Variants in IL7 observed in about 807,000 individuals in gnomAD.
The protein encoded by IL7 is interleukin 7.
Under a neutral mutation model 21.6 loss-of-function variants are expected in IL7, and 3 were observed. The observed-to-expected ratio is 0.14, with a 90% CI of 0.06 to 0.36. IL7 has a LOEUF of 0.36. Among genes scored for constraint, IL7 ranks in the 10% least tolerant of loss-of-function variants. The pLI is 1.00. For synonymous variants in IL7, 62 were observed against 68.1 expected, an observed-to-expected ratio of 0.91 and a Z score of 0.44; for missense variants, 175 against 200.2, an observed-to-expected ratio of 0.87 and a Z score of 0.76.
chr8:78,767,521 A>G (rs1028208863), intron 2 of IL7, among the ~76,000 whole-genome samples: 1 of 152,072 alleles, frequency 6.6e-6, no homozygotes, highest in African/African-American at 2.4e-5. Context: ...TCTAATTAGT[A>G]TACATATCCA....
At chr8:78,800,403 T>C (rs1310763902) in intron 1 of IL7, among the ~76,000 whole-genome samples, 1 of 152,178 alleles carries the variant, frequency 6.6e-6, no homozygotes, top group Non-Finnish European at 1.5e-5. Context: ...GTTCAAGCGA[T>C]CCTCCTACCT....
chr8:78,784,331 A>G (rs1340915103), intron 2 of IL7, among the ~76,000 whole-genome samples: 2 of 152,046 alleles, frequency 1.3e-5, no homozygotes, highest in Non-Finnish European at 2.9e-5. Flanking sequence ...TGCCACCCCA[A>G]TCCTGGACTT....
chr8:78,768,819 C>G (rs558842164), intron 2 of IL7, among the ~76,000 whole-genome samples: 2 of 152,252 alleles, frequency 1.3e-5, no homozygotes, highest in Admixed American at 1.3e-4. Flanking sequence ...AGCAGCACGT[C>G]AAGAAGCTTA....
chr8:78,790,760 TA>T (rs1269448894), intron 2 of IL7, among the ~76,000 whole-genome samples: 14 of 151,646 alleles, frequency 9.2e-5, no homozygotes, highest in African/African-American at 3.1e-4. Context: ...AAAAGAAGGG[TA>T]AAACCTATAT....
chr8:78,738,494 C>T lies in IL7; in HGVS notation c.360+10G>A, dbSNP rs1811666707. 1.2e-6 allele frequency: 2 copies of T among 1,609,132 alleles called. No individual in the cohort carries two copies. The highest frequency in any genetic ancestry group is 1.3e-5 in the African/African-American group (1 of 74,600). On this transcript the variant is annotated intron_variant, in intron 4 of 5. Transcript: ENST00000263851. ...ATATTTTTATTCAAAGTAAATAGTC[C>T]TTAGCTTACCTGGCCAGTGCAGTTC...
chr8:78,724,466 T>A (rs1428047005), intron 3 of IL7, among the ~76,000 whole-genome samples: 1 of 151,950 alleles, frequency 6.6e-6, no homozygotes, highest in Non-Finnish European at 1.5e-5. Context: ...AAGGGGAACA[T>A]TTTAAGAACT....
At chr8:78,695,900 G>C (rs1184343306) in intron 3 of IL7, among the ~76,000 whole-genome samples, 1 of 152,134 alleles carries the variant, frequency 6.6e-6, no homozygotes, top group Non-Finnish European at 1.5e-5. Context: ...CACATACAGA[G>C]TTAGAAGGAT....
intron 3 of IL7, among the ~76,000 whole-genome samples, chr8:78,710,482 A>G (rs1176368889): frequency 2.6e-5 from 4 of 151,982 alleles, no homozygotes; most frequent in African/African-American, 9.7e-5. Flanking sequence ...TCTTGAACTG[A>G]ACTTTGTTGT....
chr8:78,708,450 G>A (rs1403940497), intron 3 of IL7, among the ~76,000 whole-genome samples: 2 of 151,906 alleles, frequency 1.3e-5, no homozygotes, highest in African/African-American at 4.8e-5. Context: ...GAGTGAGGTG[G>A]GAGAGTCGCT....
At chr8:78,775,724 C>T (rs148588733) in intron 2 of IL7, among the ~76,000 whole-genome samples, 58 of 152,020 alleles carry the variant, frequency 3.8e-4, no homozygotes, top group African/African-American at 1.4e-3. Context: ...AAAATGAGTA[C>T]ATTGGACTAG....
At chr8:78,769,980 A>G (rs1812896622) in intron 2 of IL7, among the ~76,000 whole-genome samples, 1 of 152,160 alleles carries the variant, frequency 6.6e-6, no homozygotes, top group African/African-American at 2.4e-5. Flanking sequence ...CTGGCTAGCC[A>G]TATGTAGAAA....
downstream of IL7, among the ~76,000 whole-genome samples, chr8:78,714,808 A>C (rs563613371): frequency 3.3e-5 from 5 of 152,292 alleles, no homozygotes; most frequent in African/African-American, 1.2e-4. Flanking sequence ...CTAGCAAAAA[A>C]ATTCTTTTTT....
chr8:78,743,162 C>A (rs1811856277), intron 2 of IL7, among the ~76,000 whole-genome samples: 2 of 152,138 alleles, frequency 1.3e-5, no homozygotes, highest in South Asian at 4.1e-4. Flanking sequence ...AGTTTGATTC[C>A]ATGTCTTTGC....
At chr8:78,758,510 C>T (rs952392170) in intron 2 of IL7, among the ~76,000 whole-genome samples, 15 of 152,054 alleles carry the variant, frequency 9.9e-5, no homozygotes, top group Middle Eastern at 3.4e-3. Context: ...ATGTTGTACT[C>T]CCTGAAGCAT....
intron 3 of IL7, chr8:78,686,593 C>T (rs767072106): frequency 1.3e-6 from 2 of 1,518,582 alleles, no homozygotes; most frequent in Non-Finnish European, 1.8e-6. Flanking sequence ...TCCTCCTCCA[C>T]CTTCTTATGA....
intron 2 of IL7, among the ~76,000 whole-genome samples, chr8:78,748,079 G>A (rs1053124782): frequency 6.6e-6 from 1 of 152,180 alleles, no homozygotes; most frequent in African/African-American, 2.4e-5. Flanking sequence ...GCTGAGAGAG[G>A]AAGAGACAGA....
At position 78,800,308 on chromosome 8, in the gene IL7, C is replaced by G. The variant is rs1200604974; in HGVS notation, c.11-2100G>C. Among the ~76,000 whole-genome samples, 4 of 151,994 alleles carry G rather than the reference C, an allele frequency of 2.6e-5. No homozygotes were observed. In the East Asian group the frequency reaches 7.7e-4, roughly 29 times the overall value. On this transcript the variant is annotated intron_variant, in intron 1 of 5. Coordinates refer to ENST00000263851, the MANE Select transcript of IL7 (RefSeq NM_000880.4). Reference sequence around the variant, plus strand: ...TACCACATTTTCTTTTTTTCTCCCTCTCTTTTTGAGACAGGGTTTCACTCT... The same window carrying G: ...TACCACATTTTCTTTTTTTCTCCCTGTCTTTTTGAGACAGGGTTTCACTCT...
chr8:78,683,858 C>G (rs1809868346), intron 4 of IL7, among the ~76,000 whole-genome samples: 1 of 152,162 alleles, frequency 6.6e-6, no homozygotes, highest in African/African-American at 2.4e-5. Flanking sequence ...ATCATCTTTC[C>G]CAAGTTTAAA....
At chr8:78,802,179 C>A (rs979136358) in intron 1 of IL7, among the ~76,000 whole-genome samples, 1 of 152,228 alleles carries the variant, frequency 6.6e-6, no homozygotes, top group African/African-American at 2.4e-5. Flanking sequence ...ACATTCAATC[C>A]TCAGCTGCTT....
Sources: gnomAD v4.1 joint callset for allele counts (sites outside exome capture counted in the v4.1 genomes callset) on GRCh38, gnomAD v4.1.1 for gene constraint, MANE v1.5 for transcripts, NCBI Gene and HGNC (gene_info 2026-07-23, HGNC 2026-07-21) for gene names.